RBBP8NL: variants seen among roughly 807,000 people sequenced by gnomAD.
RBBP8NL encodes the protein RBBP8 N-terminal like, also known as RBBP8 N-terminal-like protein.
A neutral mutation model predicts 62.2 loss-of-function variants in RBBP8NL; 59 were observed. The ratio of observed to expected loss-of-function variants is 0.95; its 90% CI spans 0.77 to 1.18. RBBP8NL has a LOEUF of 1.18. Among genes scored for constraint, RBBP8NL ranks in the 50% most tolerant of loss-of-function variants. The pLI is 0.00. For synonymous variants in RBBP8NL, 412 were observed against 394.1 expected, an observed-to-expected ratio of 1.05 and a Z score of -0.54; for missense variants, 896 against 899.5, an observed-to-expected ratio of 1.00 and a Z score of 0.05.
rs1170082318 is a variant in RBBP8NL, at chr20:62,413,456, A to G, written c.1620T>C (p.Pro540=). The G allele has an allele frequency of 6.8e-7, 1 of 1,465,170 alleles. No homozygotes were observed. The highest frequency in any genetic ancestry group is 2.7e-5 in the Admixed American group (1 of 37,326). 90.8% of individuals were successfully genotyped at this position (1,465,170 alleles called of 1,614,324 possible). A position where few individuals can be genotyped will look rare whatever the true frequency, so the allele number is the denominator to read the frequency against. The change falls in exon 11 of 14, where the codon CCT becomes CCC. Residue 540 remains proline (P), a synonymous_variant. Transcript: ENST00000252998. ...EDEDTGRPLP[P]PHPQPPPHPQ... is the part of the protein sequence containing the mutation. ...GGTGGGGAGGCGGCTGTGGGTGGGG[A>G]GGTGGCAGAGGCCTCCCTGTGTCTT...
In RBBP8NL at chr20:62,423,215, C is replaced by T. The variant is rs1054102443; in HGVS notation, c.-83-3485G>A. ...AGCCCACGGAATCTTGACCACACCA[C>T]GAAGACCTCGCTCCAGATGGGGAAA... On this transcript the variant is annotated intron_variant, in intron 1 of 13. Transcript: ENST00000252998. Among the ~76,000 whole-genome samples, 4 of 152,146 alleles carry T rather than the reference C, an allele frequency of 2.6e-5. No homozygotes were observed. In the East Asian group the frequency reaches 5.8e-4, roughly 22 times the overall value.
intron 1 of RBBP8NL, among the ~76,000 whole-genome samples, chr20:62,422,249 C>T (rs1378267716): frequency 1.3e-5 from 2 of 152,156 alleles, no homozygotes; most frequent in African/African-American, 4.8e-5. Flanking sequence ...CTGGAGACGC[C>T]CACGTGAGGG....
intron 5 of RBBP8NL, 93 bp downstream of exon 5, chr20:62,416,667 C>T: frequency 2.4e-6 from 2 of 829,508 alleles, no homozygotes; most frequent in East Asian, 2.7e-5. Context: ...ATCGTCCTGC[C>T]TCCTTTCCCC....
intron 1 of RBBP8NL, among the ~76,000 whole-genome samples, chr20:62,425,481 G>A (rs898553889): frequency 3.3e-5 from 5 of 152,210 alleles, no homozygotes; most frequent in Admixed American, 2.0e-4. Context: ...CCCACACACA[G>A]GCCAGGGAAT....
At chr20:62,421,459 CCG>C (rs1352835059) in intron 1 of RBBP8NL, among the ~76,000 whole-genome samples, 3 of 135,960 alleles carry the variant, frequency 2.2e-5, no homozygotes, top group African/African-American at 2.9e-5. Flanking sequence ...TGTGTGTGTG[CCG>C]TGTGTGTGCA....
intron 1 of RBBP8NL, among the ~76,000 whole-genome samples, chr20:62,424,718 C>T (rs972698227): frequency 6.6e-6 from 1 of 152,174 alleles, no homozygotes; most frequent in African/African-American, 2.4e-5. Flanking sequence ...GCCTGTCCCT[C>T]AGGACTCCCA....
In RBBP8NL at chr20:62,412,879, A is replaced by G. The variant is rs539491538; in HGVS notation, c.1697T>C (p.Leu566Pro). ...ATCCAGTTCGTCGGACTCTGGTCTC[A>G]GCACTTCAGCCTTGCTGGGCTCTGA... is the stretch of plus-strand genomic sequence containing the variant. ...GHPEPSKAEV[L>P]RPESDELDET... The change falls in exon 12 of 14, where the codon CTG becomes CCG. Residue 566 changes from leucine to proline, a missense_variant. By Grantham distance (98) the Leu-to-Pro change is moderately conservative. Coordinates refer to ENST00000252998, the MANE Select transcript of RBBP8NL (RefSeq NM_080833.3). 8.1e-6 allele frequency: 13 copies of G among 1,613,054 alleles called. No homozygotes were observed. The African/African-American group carries it at 1.7e-4, about 21-fold the overall frequency.
intron 4 of RBBP8NL, 22 bp downstream of exon 4, chr20:62,417,202 C>T (rs761711403): frequency 1.0e-5 from 16 of 1,559,794 alleles, no homozygotes; most frequent in Middle Eastern, 3.3e-4. Context: ...GGCCATGCTG[C>T]GAGGTGTCCT....
chr20:62,420,361 C>T (rs1485164362), intron 1 of RBBP8NL, among the ~76,000 whole-genome samples: 2 of 130,424 alleles, frequency 1.5e-5, no homozygotes, highest in Non-Finnish European at 3.0e-5. Context: ...CACACACACA[C>T]ACACACACAC....
intron 3 of RBBP8NL, 150 bp from the exon 4 acceptor site, chr20:62,417,469 C>G: frequency 5.0e-6 from 3 of 598,094 alleles, no homozygotes; most frequent in Non-Finnish European, 2.9e-6. Context: ...TCCCAGTCAT[C>G]TGCACGCTCC....
In RBBP8NL at chr20:62,414,015, C is replaced by T. The variant is rs1988499398; in HGVS notation, c.1336G>A (p.Glu446Lys). Residue 446 changes from glutamate (E) to lysine (K), a missense_variant, in exon 10 of 14, where the codon GAG (glutamate) becomes AAG (lysine). Transcript: ENST00000252998. ...CALDKPLDLS[E>K]WGRARGQDTP... ...TCCTGGCCCCGGGCCCGGCCCCACT[C>T]CGAGAGGTCCAGGGGCTTGTCTAGG... 12 of 1,582,604 alleles carry T rather than the reference C, an allele frequency of 7.6e-6. No individual in the cohort carries two copies. The highest frequency in any genetic ancestry group is 1.0e-5 in the Non-Finnish European group (12 of 1,164,796).
chr20:62,416,665 G>A (rs1988573718), intron 5 of RBBP8NL, 95 bp downstream of exon 5: 19 of 811,338 alleles, frequency 2.3e-5, no homozygotes, highest in Non-Finnish European at 3.7e-5. Flanking sequence ...CGATCGTCCT[G>A]CCTCCTTTCC....
intron 4 of RBBP8NL, 60 bp from the exon 5 acceptor site, chr20:62,416,932 G>A (rs916970729): frequency 7.8e-6 from 10 of 1,276,984 alleles, no homozygotes; most frequent in Admixed American, 4.0e-5. Context: ...GAGGGCCTGG[G>A]ACACTCACTG....
At chr20:62,412,997 G>A in intron 11 of RBBP8NL, 97 bp from the exon 12 acceptor site, 3 of 1,370,078 alleles carry the variant, frequency 2.2e-6, no homozygotes, top group East Asian at 4.7e-5. Context: ...TCTGCAGATG[G>A]GGAAACTGAG....
Position 62,410,510 on chromosome 20 carries a change from A to G in RBBP8NL, c.*368T>C. ...CTGAGTGATCCCGCCTCCAGTCCCC[A>G]CACCCCTCAGGGAGCAGGTGCTGGG... On this transcript the variant is annotated 3_prime_UTR_variant, in exon 14 of 14. Transcript: ENST00000252998. 1 of 246,876 alleles carries G rather than the reference A, an allele frequency of 4.1e-6. No homozygotes were observed. The highest frequency in any genetic ancestry group is 7.8e-6 in the Non-Finnish European group (1 of 127,460). The allele number at this position is 246,876 out of a possible 1,614,324, so 15.3% of individuals were successfully genotyped here. A position where few individuals can be genotyped will look rare whatever the true frequency, so the allele number is the denominator to read the frequency against.
intron 5 of RBBP8NL, among the ~76,000 whole-genome samples, chr20:62,416,443 G>A (rs1988568378): frequency 6.6e-6 from 1 of 152,208 alleles, no homozygotes; most frequent in Admixed American, 6.5e-5. Context: ...CGAGGGAAGG[G>A]GGCTTGCCCT....
In RBBP8NL at chr20:62,413,459, T is replaced by G. The variant is rs1374061566; in HGVS notation, c.1617A>C (p.Pro539=). ...TEDEDTGRPL[P]PPHPQPPPHP... ...GGGGAGGCGGCTGTGGGTGGGGAGGTGGCAGAGGCCTCCCTGTGTCTTCAT... is the reference window on the plus strand; with the variant it reads ...GGGGAGGCGGCTGTGGGTGGGGAGGGGGCAGAGGCCTCCCTGTGTCTTCAT... The change falls in exon 11 of 14, where the codon CCA becomes CCC. Residue 539 remains proline, a synonymous_variant. Coordinates refer to ENST00000252998, the MANE Select transcript of RBBP8NL (RefSeq NM_080833.3). The G allele has an allele frequency of 2.7e-6, 4 of 1,461,748 alleles. No individual in the cohort carries two copies. Among genetic ancestry groups the G allele is most frequent in the Admixed American group, 2.7e-5 (1 of 37,164 alleles). The allele number at this position is 1,461,748 out of a possible 1,614,324, so 90.5% of individuals were successfully genotyped here. A position where few individuals can be genotyped will look rare whatever the true frequency, so the allele number is the denominator to read the frequency against.
intron 1 of RBBP8NL, among the ~76,000 whole-genome samples, chr20:62,420,730 C>T (rs146321964): frequency 7.2e-5 from 11 of 152,360 alleles, no homozygotes; most frequent in Admixed American, 1.3e-4. Flanking sequence ...GGCTCCCACA[C>T]GCAGATGCTG....
At position 62,410,519 on chromosome 20, in the gene RBBP8NL, A is replaced by G. The variant is rs1387385842; in HGVS notation, c.*359T>C. On this transcript the variant is annotated 3_prime_UTR_variant, in exon 14 of 14. Transcript: ENST00000252998. ...CCCGCCTCCAGTCCCCACACCCCTC[A>G]GGGAGCAGGTGCTGGGCTGTGGGAG... The G allele has an allele frequency of 3.8e-5, 10 of 265,634 alleles. No individual in the cohort carries two copies. Among genetic ancestry groups the G allele is most frequent in the Non-Finnish European group, 7.2e-5 (10 of 139,170 alleles). 16.5% of individuals were successfully genotyped at this position (265,634 alleles called of 1,614,324 possible). A position where few individuals can be genotyped will look rare whatever the true frequency, so the allele number is the denominator to read the frequency against.
Sources: allele counts gnomAD v4.1 joint callset (sites outside exome capture counted in the v4.1 genomes callset), GRCh38; gene constraint gnomAD v4.1.1; transcripts MANE v1.5; gene names NCBI Gene and HGNC (gene_info 2026-07-23, HGNC 2026-07-21).